The following COL12A1 variants were observed in gnomAD, a reference collection of about 807,000 sequenced individuals.
The protein encoded by COL12A1 is collagen type XII alpha 1 chain, also known as collagen alpha-1(XII) chain.
COL12A1 carries 114 observed loss-of-function variants against 349.7 expected under a neutral mutation model. The ratio of observed to expected loss-of-function variants is 0.33; its 90% CI spans 0.28 to 0.38. COL12A1 has a LOEUF of 0.38. COL12A1 is among the 10% of genes least tolerant of loss of function. COL12A1 has a pLI of 1.00. For synonymous variants in COL12A1, 1,369 were observed against 1,329.0 expected (o/e 1.03, Z -0.66); for missense variants, 3,284 against 3,756.9 (o/e 0.87, Z 3.29).
At chr6:75,180,883 T>C in intron 11 of COL12A1, 56 bp downstream of exon 11, 1 of 1,564,784 alleles carries the variant, frequency 6.4e-7, no homozygotes, top group Non-Finnish European at 8.7e-7. Context: ...ACTGTAACTT[T>C]GTAGTGCAAT....
chr6:75,124,158 A>G (rs1765894018), intron 41 of COL12A1, 64 bp from the exon 42 acceptor site: 1 of 1,596,176 alleles, frequency 6.3e-7, no homozygotes, highest in African/African-American at 1.3e-5. Context: ...AAAATTTTAT[A>G]TCGCATTGTT....
chr6:75,162,274 A>C (rs1300173208), intron 14 of COL12A1, among the ~76,000 whole-genome samples: 1 of 152,198 alleles, frequency 6.6e-6, no homozygotes, highest in Non-Finnish European at 1.5e-5. Flanking sequence ...CAGTAACAAA[A>C]ACAGCACAGT....
chr6:75,130,856 T>C lies in COL12A1; in HGVS notation c.6063A>G (p.Arg2021=), dbSNP rs752204258. 1.2e-6 allele frequency: 2 copies of C among 1,613,954 alleles called. No individual in the cohort carries two copies. The highest frequency in any genetic ancestry group is 1.1e-5 in the South Asian group (1 of 91,068). Residue 2021 remains arginine, a synonymous_variant, in exon 36 of 66, where the codon CGA becomes CGG. Coordinates refer to ENST00000322507, the MANE Select transcript of COL12A1 (RefSeq NM_004370.6). ...GAGAAAGGATTTCTGCCTCACGCGT[T>C]CGGCCCTGGGCAGGGCTGGGATTTC... ...GEGNPSPAQG[R]TLPRSGPRNL... is the part of the protein sequence containing the mutation.
At position 75,125,194 on chromosome 6, in the gene COL12A1, G is replaced by A. The variant is rs372703375; in HGVS notation, c.6540C>T (p.Tyr2180=). 55 of 1,612,192 alleles carry A rather than the reference G, an allele frequency of 3.4e-5. No individual in the cohort carries two copies. Among genetic ancestry groups the A allele is most frequent in the East Asian group, 4.5e-5 (2 of 44,766 alleles). ...TLHNLNPSTT[Y]DVNVYAQYDS... Reference sequence around the variant, plus strand: ...CATATTGAGCATAAACATTCACATCGTAGGTGGTGCTGGGATTGAGATTGT... The same window carrying A: ...CATATTGAGCATAAACATTCACATCATAGGTGGTGCTGGGATTGAGATTGT... The change falls in exon 40 of 66, where the codon TAC becomes TAT. Residue 2180 remains tyrosine (Y), a synonymous_variant. Transcript: ENST00000322507.
At position 75,134,035 on chromosome 6, in the gene COL12A1, A is replaced by G. The variant is rs189348921; in HGVS notation, c.5525-38T>C. The G allele has an allele frequency of 6.0e-5, 96 of 1,588,758 alleles. No homozygotes were observed. The East Asian group carries it at 1.3e-3, about 22-fold the overall frequency. ...GAAATCCCATCACAGTATAATGCTA[A>G]CAATCAAGCACACATGAAACACAGA... On this transcript the variant is annotated intron_variant, in intron 32 of 65. Coordinates refer to ENST00000322507, the MANE Select transcript of COL12A1 (RefSeq NM_004370.6).
In COL12A1 at chr6:75,122,065, G is replaced by A. The variant is rs1582084227; in HGVS notation, c.6947-624C>T. Among the ~76,000 whole-genome samples the A allele has an allele frequency of 2.0e-5, 3 of 152,102 alleles. No homozygotes were observed. In the East Asian group the frequency reaches 5.8e-4, roughly 30 times the overall value. The stretch of plus-strand genomic sequence containing the variant: ...AGCAGAGACGGGTTTAACCATGTTG[G>A]CCATGATGGTCTCGATCCACCTGTC... On this transcript the variant is annotated intron_variant, in intron 43 of 65. Coordinates refer to ENST00000322507, the MANE Select transcript of COL12A1 (RefSeq NM_004370.6).
chr6:75,111,292 A>G (rs1768828730), intron 51 of COL12A1, among the ~76,000 whole-genome samples: 1 of 151,930 alleles, frequency 6.6e-6, no homozygotes, highest in Non-Finnish European at 1.5e-5. Context: ...TTTGGAAAGA[A>G]AAGACAGAGC....
At chr6:75,120,149 T>A (rs1174450293) in intron 44 of COL12A1, among the ~76,000 whole-genome samples, 1 of 151,890 alleles carries the variant, frequency 6.6e-6, no homozygotes, top group Non-Finnish European at 1.5e-5. Flanking sequence ...ATGATCAGTA[T>A]TTTTTTTAGA....
chr6:75,186,035 A>G (rs1437479443), intron 8 of COL12A1, among the ~76,000 whole-genome samples: 1 of 152,234 alleles, frequency 6.6e-6, no homozygotes, highest in Non-Finnish European at 1.5e-5. Flanking sequence ...CCTAGGCAAT[A>G]CCATTCAGGA....
intron 5 of COL12A1, among the ~76,000 whole-genome samples, chr6:75,191,451 A>G (rs115656601): frequency 6.6e-6 from 1 of 152,098 alleles, no homozygotes; most frequent in African/African-American, 2.4e-5. Context: ...TTGGACACAC[A>G]CAATTTCAAA....
chr6:75,146,406 T>C, intron 23 of COL12A1, 162 bp from the exon 24 acceptor site: 1 of 710,544 alleles, frequency 1.4e-6, no homozygotes, highest in Non-Finnish European at 2.0e-6. Flanking sequence ...CCCCAAAAAA[T>C]CCAATTTACA....
At chr6:75,099,370 T>C (rs1215410856) in intron 58 of COL12A1, among the ~76,000 whole-genome samples, 1 of 152,232 alleles carries the variant, frequency 6.6e-6, no homozygotes, top group East Asian at 1.9e-4. Context: ...TTCCCTATAA[T>C]ATTGCTTGGA....
chr6:75,142,259 T>C lies in COL12A1; in HGVS notation c.4828-98A>G, dbSNP rs369850344. ...TACCTGTCAGCGTAAGAATATAAAA[T>C]TGTGATCAGAAAAGAGCAGTGTTTT... On this transcript the variant is annotated intron_variant, in intron 26 of 65. Coordinates refer to ENST00000322507, the MANE Select transcript of COL12A1 (RefSeq NM_004370.6). The C allele has an allele frequency of 5.5e-5, 78 of 1,419,448 alleles. No individual in the cohort carries two copies. Among genetic ancestry groups the C allele is most frequent in the Admixed American group, 3.2e-4 (17 of 53,068 alleles). 87.9% of individuals were successfully genotyped at this position (1,419,448 alleles called of 1,614,324 possible).
intron 2 of COL12A1, 109 bp downstream of exon 2, chr6:75,202,611 A>G (rs1770587756): frequency 9.1e-7 from 1 of 1,096,278 alleles, no homozygotes; most frequent in Admixed American, 2.4e-5. Context: ...CACCGGAGAA[A>G]GCACGAAGCG....
Position 75,147,800 on chromosome 6 carries a change from T to A in COL12A1, c.4292A>T (p.Tyr1431Phe). 4 of 1,612,108 alleles carry A rather than the reference T, an allele frequency of 2.5e-6. No homozygotes were observed. The South Asian group carries it at 3.3e-5, about 13-fold the overall frequency. ...TGTGCTAGTTTCCATTCGACTCACA[T>A]AAAACTAGGGGGAAAAATTAAACAG... ...PVSGGKRQEF[Y>F]VSRMETSTVL... Residue 1431 changes from tyrosine (Y) to phenylalanine (F), a missense_variant, in exon 23 of 66, where the codon TAT (tyrosine) becomes TTT (phenylalanine). Around this residue, in one of 2 missense-constraint regions of COL12A1, gnomAD observed 2,601 missense variants for 2,824.8 expected, o/e 0.92. Coordinates refer to ENST00000322507, the MANE Select transcript of COL12A1 (RefSeq NM_004370.6).
chr6:75,173,381 A>T (rs985704145), intron 13 of COL12A1, among the ~76,000 whole-genome samples: 82 of 146,320 alleles, frequency 5.6e-4, no homozygotes, highest in African/African-American at 9.7e-4. Flanking sequence ...TATTATTATT[A>T]TTTTTTTTTT....
chr6:75,086,462 C>G lies in COL12A1; in HGVS notation c.*85G>C, dbSNP rs1472136627. On this transcript the variant is annotated 3_prime_UTR_variant, in exon 66 of 66. Coordinates refer to ENST00000322507, the MANE Select transcript of COL12A1 (RefSeq NM_004370.6). ...GTGAGATTTCCATACAGACTCATTT[C>G]CTAATAAGCACGTGCGCAAACATCT... The G allele has an allele frequency of 7.8e-7, 1 of 1,275,350 alleles. No individual in the cohort carries two copies. The allele number at this position is 1,275,350 out of a possible 1,614,324, so 79.0% of individuals were successfully genotyped here.
In COL12A1 at chr6:75,113,255, A is replaced by G. The variant is rs1207211959; in HGVS notation, c.7899T>C (p.Val2633=). ...NKDTRGEVQT[V]TFDTEEVKTL... ...TCTTTACTTCTTCTGTGTCAAATGT[A>G]ACAGTTTGCACCTCGCCTCTTGTAT... The change falls in exon 51 of 66, where the codon GTT becomes GTC. Residue 2633 remains valine (V), a synonymous_variant. Transcript: ENST00000322507. 6.4e-7 allele frequency: 1 copy of G among 1,565,698 alleles called. No individual in the cohort carries two copies. Among genetic ancestry groups the G allele is most frequent in the Non-Finnish European group, 8.6e-7 (1 of 1,158,540 alleles).
intron 21 of COL12A1, 74 bp from the exon 22 acceptor site, chr6:75,148,571 A>G: frequency 2.3e-6 from 3 of 1,305,760 alleles, no homozygotes; most frequent in Non-Finnish European, 3.2e-6. Context: ...ATGACATTGA[A>G]ACAATATTAT....
Sources: gnomAD v4.1 joint callset for allele counts (sites outside exome capture counted in the v4.1 genomes callset) on GRCh38, gnomAD v4.1.1 for gene constraint, gnomAD v4.1.1 regional missense constraint, MANE v1.5 for transcripts, NCBI Gene and HGNC (gene_info 2026-07-23, HGNC 2026-07-21) for gene names.